Variants in GALNT13 observed in about 807,000 individuals in gnomAD.
The protein encoded by GALNT13 is UDP-GalNAc:polypeptide N-acetylgalactosaminyltransferase 13.
Under a neutral mutation model 64.2 loss-of-function variants are expected in GALNT13, and 28 were observed. The ratio of observed to expected loss-of-function variants is 0.44; its 90% CI spans 0.32 to 0.60. GALNT13 has a LOEUF of 0.60. Among genes scored for constraint, GALNT13 ranks in the 20% least tolerant of loss-of-function variants. The pLI is 0.05. For missense variants in GALNT13, 577 were observed against 669.8 expected, an observed-to-expected ratio of 0.86 and a Z score of 1.53; for synonymous variants, 214 against 224.6, an observed-to-expected ratio of 0.95 and a Z score of 0.42.
At chr2:153,737,178 A>C in the GALNT13 span, among the ~76,000 whole-genome samples, 1 of 152,248 alleles carries the variant, frequency 6.6e-6, no homozygotes, top group East Asian at 1.9e-4. Context: ...GAGCACAGAC[A>C]GGCAGAAAGG....
chr2:154,236,272 T>G, intron 4 of GALNT13: 1 of 587,296 alleles, frequency 1.7e-6, no homozygotes, highest in Non-Finnish European at 2.2e-6. Flanking sequence ...CCTAAAGGTT[T>G]TACATGTTTC....
At chr2:154,069,085 C>T (rs1375735959) in intron 3 of GALNT13, among the ~76,000 whole-genome samples, 2 of 151,932 alleles carry the variant, frequency 1.3e-5, no homozygotes, top group East Asian at 3.9e-4. Context: ...AATGAAATTA[C>T]GTCTTTAGAG....
chr2:153,370,200 T>C, the GALNT13 span, among the ~76,000 whole-genome samples: 1 of 152,054 alleles, frequency 6.6e-6, no homozygotes, highest in African/African-American at 2.4e-5. Flanking sequence ...TTGTTTAAAA[T>C]GTTTCAAAAA....
At chr2:153,852,266 A>G in the GALNT13 span, among the ~76,000 whole-genome samples, 20 of 152,230 alleles carry the variant, frequency 1.3e-4, no homozygotes, top group Non-Finnish European at 2.6e-4. Context: ...ATGAAACGCA[A>G]CAACTGTATA....
At chr2:153,634,571 G>A in the GALNT13 span, among the ~76,000 whole-genome samples, 4 of 115,440 alleles carry the variant, frequency 3.5e-5, no homozygotes, top group Non-Finnish European at 6.8e-5. Context: ...TTTTTTCTGA[G>A]ATGGAGTCTC....
At chr2:153,768,945 G>A in the GALNT13 span, among the ~76,000 whole-genome samples, 1 of 152,120 alleles carries the variant, frequency 6.6e-6, no homozygotes, top group Non-Finnish European at 1.5e-5. Context: ...CTTCATTTGT[G>A]TTATATATAT....
the GALNT13 span, among the ~76,000 whole-genome samples, chr2:153,299,378 A>G: frequency 6.6e-6 from 1 of 152,216 alleles, no homozygotes; most frequent in East Asian, 1.9e-4. Flanking sequence ...GAAATCACTT[A>G]TAAAAGAATG....
rs74485384 is a variant in GALNT13 at position 154,225,987 on chromosome 2, A to G, written c.312-16043A>G. Among the ~76,000 whole-genome samples, 1,029 of 152,146 alleles carry G rather than the reference A, an allele frequency of 6.8e-3. 10 individuals are homozygous for G. Among genetic ancestry groups the G allele is most frequent in the African/African-American group, 0.024 (995 of 41,546 alleles). On this transcript the variant is annotated intron_variant, in intron 4 of 12. Coordinates refer to ENST00000392825, the MANE Select transcript of GALNT13 (RefSeq NM_052917.4). ...AGGTCAAATATTTTCTTGATGGACAATTTTTACACAAAAAGTTAAAGGGTG... is the reference window on the plus strand; with the variant it reads ...AGGTCAAATATTTTCTTGATGGACAGTTTTTACACAAAAAGTTAAAGGGTG...
chr2:153,104,281 G>T, the GALNT13 span, among the ~76,000 whole-genome samples: 1 of 152,116 alleles, frequency 6.6e-6, no homozygotes, highest in Non-Finnish European at 1.5e-5. Context: ...CTTAGGGATT[G>T]CAAACTGACA....
At chr2:154,399,639 C>T (rs1699208854) in intron 10 of GALNT13, among the ~76,000 whole-genome samples, 1 of 152,084 alleles carries the variant, frequency 6.6e-6, no homozygotes, top group Non-Finnish European at 1.5e-5. Flanking sequence ...TCTCTTGGGC[C>T]ACTGGTCCTC....
the GALNT13 span, among the ~76,000 whole-genome samples, chr2:153,213,086 T>C: frequency 6.6e-6 from 1 of 152,184 alleles, no homozygotes; most frequent in African/African-American, 2.4e-5. Flanking sequence ...GGTCAAGAAC[T>C]GTGAAGGTCT....
rs189756100 is a variant in GALNT13, at chr2:154,377,183, C to G, written c.1157-18808C>G. On this transcript the variant is annotated intron_variant, in intron 9 of 12. Coordinates refer to ENST00000392825, the MANE Select transcript of GALNT13 (RefSeq NM_052917.4). The stretch of plus-strand genomic sequence containing the variant: ...ATATTAGCTTGGTAAGTATATACAA[C>G]AAATATTAAATTACAGAAGATACTA... 2.6e-3 allele frequency among the ~76,000 whole-genome samples: 389 copies of G among 152,216 alleles called. 2 individuals are homozygous for G. The highest frequency in any genetic ancestry group is 8.9e-3 in the African/African-American group (369 of 41,552).
intron 9 of GALNT13, among the ~76,000 whole-genome samples, chr2:154,302,021 G>A (rs572412912): frequency 1.1e-4 from 17 of 152,060 alleles, no homozygotes; most frequent in African/African-American, 3.9e-4. Flanking sequence ...AAAATAATAT[G>A]AGTAAAACGT....
At chr2:153,359,554 G>A in the GALNT13 span, among the ~76,000 whole-genome samples, 13 of 141,492 alleles carry the variant, frequency 9.2e-5, no homozygotes, top group South Asian at 2.2e-4. Flanking sequence ...AAAGAGAGAC[G>A]GTGCCTACAG....
chr2:153,306,975 A>G, the GALNT13 span, among the ~76,000 whole-genome samples: 22 of 152,286 alleles, frequency 1.4e-4, no homozygotes, highest in African/African-American at 5.3e-4. Flanking sequence ...GCCTAAAGCA[A>G]TCCACCCACC....
the GALNT13 span, among the ~76,000 whole-genome samples, chr2:153,853,979 G>A: frequency 6.6e-6 from 1 of 151,568 alleles, no homozygotes; most frequent in Non-Finnish European, 1.5e-5. Context: ...TTTACCATCC[G>A]TCAGCCCATA....
At chr2:153,444,798 C>T in the GALNT13 span, among the ~76,000 whole-genome samples, 2 of 152,032 alleles carry the variant, frequency 1.3e-5, no homozygotes, top group Non-Finnish European at 2.9e-5. Flanking sequence ...AGTGTCATTC[C>T]ATTATAGGTA....
chr2:153,359,601 A>G, the GALNT13 span, among the ~76,000 whole-genome samples: 3 of 137,926 alleles, frequency 2.2e-5, no homozygotes, highest in East Asian at 6.4e-4. Flanking sequence ...TGAGCTGGAC[A>G]CAATGGGACA....
At chr2:153,525,728 A>C in the GALNT13 span, among the ~76,000 whole-genome samples, 1 of 152,128 alleles carries the variant, frequency 6.6e-6, no homozygotes, top group South Asian at 2.1e-4. Context: ...CCACTGGAGT[A>C]GAGCACCAAG....
Sources: allele counts gnomAD v4.1 joint callset (sites outside exome capture counted in the v4.1 genomes callset), GRCh38; gene constraint gnomAD v4.1.1; transcripts MANE v1.5; gene names NCBI Gene and HGNC (gene_info 2026-07-23, HGNC 2026-07-21).